DCTN6: variants seen among roughly 807,000 people sequenced by gnomAD.
The protein encoded by DCTN6 is dynactin subunit 6.
Under a neutral mutation model 25.8 loss-of-function variants are expected in DCTN6, and 15 were observed. The observed-to-expected ratio is 0.58, with a 90% CI of 0.39 to 0.89. The LOEUF (loss-of-function observed/expected upper bound fraction) is 0.89, where lower values mean the gene tolerates loss of function less well. Ranked by LOEUF, DCTN6 falls within the 40% of genes least tolerant of loss-of-function variation. DCTN6 has a pLI of 0.00. For missense variants in DCTN6, 198 were observed against 237.6 expected (o/e 0.83, Z 1.09); for synonymous variants, 64 against 78.3 (o/e 0.82, Z 0.96).
intron 2 of DCTN6, among the ~76,000 whole-genome samples, chr8:30,167,791 T>A (rs2117583930): frequency 6.6e-6 from 1 of 152,224 alleles, no homozygotes; most frequent in South Asian, 2.1e-4. Context: ...CTTCACCTCC[T>A]GGGTTCAAGC....
chr8:30,156,823 A>AC (rs1803532931), intron 1 of DCTN6, among the ~76,000 whole-genome samples: 1 of 151,530 alleles, frequency 6.6e-6, no homozygotes, highest in Non-Finnish European at 1.5e-5. Flanking sequence ...ATGTTGCGAG[A>AC]CCCCCACGCC....
chr8:30,160,640 G>T (rs1331743860), intron 1 of DCTN6, among the ~76,000 whole-genome samples: 1 of 152,128 alleles, frequency 6.6e-6, no homozygotes, highest in Non-Finnish European at 1.5e-5. Context: ...AAAAAAAATT[G>T]TGTCTGTAAA....
At chr8:30,175,040 A>T in intron 2 of DCTN6, 45 bp from the exon 3 acceptor site, 1 of 1,561,632 alleles carries the variant, frequency 6.4e-7, no homozygotes, top group South Asian at 1.1e-5. Context: ...TTCTGTTGGA[A>T]GCATAGCCTC....
chr8:30,163,165 C>T (rs554899346), intron 1 of DCTN6, among the ~76,000 whole-genome samples: 6 of 152,242 alleles, frequency 3.9e-5, no homozygotes, highest in South Asian at 2.1e-4. Context: ...GGTGTGGTGG[C>T]ACATGCCTGT....
Position 30,169,282 on chromosome 8 carries a change from A to G in DCTN6, c.88+5107A>G, listed in dbSNP as rs985978902. Among the ~76,000 whole-genome samples the G allele has an allele frequency of 3.2e-4, 48 of 151,442 alleles. 1 individual carries two copies. The highest frequency in any genetic ancestry group is 1.2e-3 in the African/African-American group (48 of 40,802). On this transcript the variant is annotated intron_variant, in intron 2 of 6. Coordinates refer to ENST00000221114, the MANE Select transcript of DCTN6 (RefSeq NM_006571.4). The stretch of plus-strand genomic sequence containing the variant: ...GTTCAAGAAAATTGTTTAGTTGTCA[A>G]AAAAACAGAGCTTAAGGCCTTTTGA...
intron 1 of DCTN6, among the ~76,000 whole-genome samples, chr8:30,159,379 A>T (rs1803569580): frequency 6.6e-6 from 1 of 152,068 alleles, no homozygotes. Context: ...TCACACCAGT[A>T]GGGAAGTTGG....
intron 2 of DCTN6, among the ~76,000 whole-genome samples, chr8:30,166,612 G>A (rs149662322): frequency 7.4e-4 from 112 of 152,256 alleles, no homozygotes; most frequent in African/African-American, 2.6e-3. Flanking sequence ...TTTCTGGGCT[G>A]TAAAGGCATT....
rs544319281 is a variant in DCTN6 at position 30,166,305 on chromosome 8, T to G, written c.88+2130T>G. On this transcript the variant is annotated intron_variant, in intron 2 of 6. Coordinates refer to ENST00000221114, the MANE Select transcript of DCTN6 (RefSeq NM_006571.4). ...CAATGTTACAACAACCCCGTTTTGG[T>G]TTTTTTTTTCTTTCTTTTTTTTTTT... Among the ~76,000 whole-genome samples, 7 of 149,402 alleles carry G rather than the reference T, an allele frequency of 4.7e-5. No individual in the cohort carries two copies. In the East Asian group the frequency reaches 1.4e-3, roughly 29 times the overall value.
rs144296960 is a variant in DCTN6 at position 30,183,145 on chromosome 8, A to G, written c.545A>G (p.Lys182Arg). 16 of 1,613,950 alleles carry G rather than the reference A, an allele frequency of 9.9e-6. 1 individual carries two copies. The African/African-American group carries it at 2.0e-4, about 20-fold the overall frequency. The stretch of plus-strand genomic sequence containing the variant: ...TACCACCACCTAAAGAAGACTATGA[A>G]AGGAAGCTCAACTCCAGTAAAGAAC... ...PNYHHLKKTM[K>R]GSSTPVKN The change falls in exon 7 of 7, where the codon AAA becomes AGA. Residue 182 changes from lysine to arginine, a missense_variant. Transcript: ENST00000221114.
chr8:30,156,493 G>C, intron 1 of DCTN6, 87 bp downstream of exon 1: 2 of 1,485,836 alleles, frequency 1.3e-6, no homozygotes, highest in Non-Finnish European at 9.2e-7. Context: ...CGACTCAGAA[G>C]GTGTCTCATC....
chr8:30,179,492 A>G, intron 5 of DCTN6, 37 bp downstream of exon 5: 4 of 1,573,046 alleles, frequency 2.5e-6, no homozygotes, highest in Non-Finnish European at 3.5e-6. Flanking sequence ...CAAAGCAGTG[A>G]CCTCTTTTCT....
At chr8:30,163,755 T>G (rs1369632456) in intron 1 of DCTN6, among the ~76,000 whole-genome samples, 1 of 151,340 alleles carries the variant, frequency 6.6e-6, no homozygotes, top group Non-Finnish European at 1.5e-5. Context: ...CATGCTTGAG[T>G]GCAATGGCGC....
rs542590341 is a variant in DCTN6 at position 30,158,398 on chromosome 8, G to C, written c.23+1992G>C. 2.6e-5 allele frequency among the ~76,000 whole-genome samples: 4 copies of C among 152,262 alleles called. No homozygotes were observed. In the South Asian group the frequency reaches 6.2e-4, roughly 24 times the overall value. Reference sequence around the variant, plus strand: ...AACCCACTTTAAATGAAAAGTATCAGAGAAATGACATTTACAGCTGGTGAT... The same window carrying C: ...AACCCACTTTAAATGAAAAGTATCACAGAAATGACATTTACAGCTGGTGAT... On this transcript the variant is annotated intron_variant, in intron 1 of 6. Coordinates refer to ENST00000221114, the MANE Select transcript of DCTN6 (RefSeq NM_006571.4).
chr8:30,161,196 T>C (rs1803589500), intron 1 of DCTN6, among the ~76,000 whole-genome samples: 1 of 152,186 alleles, frequency 6.6e-6, no homozygotes, highest in African/African-American at 2.4e-5. Context: ...TGCTGCCTTG[T>C]GAAGAAGGTG....
chr8:30,164,525 G>A (rs924542269), intron 2 of DCTN6, among the ~76,000 whole-genome samples: 12 of 152,310 alleles, frequency 7.9e-5, no homozygotes, highest in African/African-American at 2.9e-4. Context: ...CGTGGAGAGC[G>A]TGGGCCATGG....
In DCTN6 at chr8:30,180,681, T is replaced by TA. The variant is rs773351502; in HGVS notation, c.474+52dup. 1.9e-6 allele frequency: 3 copies of TA among 1,597,446 alleles called. 1 individual carries two copies. The South Asian group carries it at 3.4e-5, about 18-fold the overall frequency. On this transcript the variant is annotated intron_variant, in intron 6 of 6. Transcript: ENST00000221114. ...GTTCTATCTGCTGATTTTCCCAAAA[T>TA]ACAATGTAATTGTCTTCATGAGGCA... is the stretch of plus-strand genomic sequence containing the variant.
chr8:30,179,523 CA>C, intron 5 of DCTN6, 68 bp downstream of exon 5: 1 of 1,398,518 alleles, frequency 7.2e-7, no homozygotes, highest in Non-Finnish European at 9.9e-7. Context: ...TCCTGGGAAA[CA>C]ACCTAATAGA....
At chr8:30,174,017 C>G (rs1803798019) in intron 2 of DCTN6, among the ~76,000 whole-genome samples, 1 of 152,178 alleles carries the variant, frequency 6.6e-6, no homozygotes, top group Non-Finnish European at 1.5e-5. Context: ...TGTTAGCATT[C>G]CAGGCTCAGG....
At chr8:30,163,871 T>C (rs1241844212) in intron 1 of DCTN6, among the ~76,000 whole-genome samples, 1 of 152,068 alleles carries the variant, frequency 6.6e-6, no homozygotes, top group Non-Finnish European at 1.5e-5. Flanking sequence ...CCTGGCTAGT[T>C]TTGTATTTTT....
Sources: gnomAD v4.1 joint callset for allele counts (sites outside exome capture counted in the v4.1 genomes callset) on GRCh38, gnomAD v4.1.1 for gene constraint, MANE v1.5 for transcripts, NCBI Gene and HGNC (gene_info 2026-07-23, HGNC 2026-07-21) for gene names.